GPC3: variants seen among roughly 807,000 people sequenced by gnomAD.
GPC3 encodes the protein glypican-3.
GPC3 carries 3 observed loss-of-function variants against 34.4 expected under a neutral mutation model. The ratio of observed to expected loss-of-function variants is 0.09; its 90% CI spans 0.04 to 0.23. GPC3 has a LOEUF of 0.23. Among genes scored for constraint, GPC3 ranks in the 10% least tolerant of loss-of-function variants. The pLI, the probability that GPC3 is intolerant of heterozygous loss-of-function variation, is 1.00. For synonymous variants in GPC3, 177 were observed against 174.0 expected (o/e 1.02, Z -0.13); for missense variants, 351 against 445.6 (o/e 0.79, Z 1.91).
intron 1 of GPC3, among the ~76,000 whole-genome samples, chrX:133,979,917 C>T (rs148206262): frequency 0.013 from 1,433 of 111,712 alleles, 28 homozygotes; most frequent in African/African-American, 0.044. Context: ...ACTGAATAGA[C>T]ATTGGCTCCT....
intron 2 of GPC3, among the ~76,000 whole-genome samples, chrX:133,807,270 C>A (rs980426309): frequency 1.8e-5 from 2 of 111,411 alleles, no homozygotes; most frequent in African/African-American, 6.5e-5. Context: ...TCTCTCTTCT[C>A]TTCCTTCCCC....
intron 2 of GPC3, among the ~76,000 whole-genome samples, chrX:133,864,478 T>C: frequency 9.0e-6 from 1 of 111,368 alleles, no homozygotes; most frequent in Non-Finnish European, 1.9e-5. Flanking sequence ...ATCATGATGG[T>C]GGGTAGAAAC....
chrX:133,717,478 T>C (rs1319012278), intron 3 of GPC3, among the ~76,000 whole-genome samples: 1 of 111,548 alleles, frequency 9.0e-6, no homozygotes, highest in Non-Finnish European at 1.9e-5. Flanking sequence ...TTATGTTATC[T>C]ATAGATTACA....
At chrX:133,572,158 T>C (rs1299433362) in intron 7 of GPC3, among the ~76,000 whole-genome samples, 2 of 111,645 alleles carry the variant, frequency 1.8e-5, no homozygotes, top group Non-Finnish European at 3.8e-5. Context: ...TCAGTCACAA[T>C]GGAGGGAAAT....
intron 5 of GPC3, among the ~76,000 whole-genome samples, chrX:133,682,835 C>T (rs1351313717): frequency 1.8e-5 from 2 of 109,878 alleles, no homozygotes; most frequent in Non-Finnish European, 3.8e-5. Flanking sequence ...GGCATGGTGG[C>T]ACGTGCCTAT....
intron 5 of GPC3, 105 bp downstream of exon 5, chrX:133,692,262 ATT>A: frequency 1.1e-6 from 1 of 893,992 alleles, no homozygotes; most frequent in East Asian, 3.2e-5. Context: ...TTTCTCTAGA[ATT>A]TTTCTGGTGC....
At chrX:133,572,236 C>T (rs2069640062) in intron 7 of GPC3, among the ~76,000 whole-genome samples, 1 of 111,869 alleles carries the variant, frequency 8.9e-6, no homozygotes, top group Non-Finnish European at 1.9e-5. Flanking sequence ...TACAATCCTA[C>T]ATAAATATCA....
intron 2 of GPC3, chrX:133,763,110 T>C: frequency 1.5e-6 from 1 of 680,986 alleles, no homozygotes; most frequent in Non-Finnish European, 2.4e-6. Flanking sequence ...GCTTCACTCC[T>C]GGAATCTTCA....
At position 133,661,719 on chromosome X, in the gene GPC3, A is replaced by T; in HGVS notation, c.1413+11T>A. 1 of 1,065,740 alleles carries T rather than the reference A, an allele frequency of 9.4e-7. No homozygotes were observed. Among genetic ancestry groups the T allele is most frequent in the Admixed American group, 2.3e-5 (1 of 42,746 alleles). The allele number at this position is 1,065,740 out of a possible 1,213,427, so 87.8% of individuals were successfully genotyped here. A position where few individuals can be genotyped will look rare whatever the true frequency, so the allele number is the denominator to read the frequency against. On this transcript the variant is annotated intron_variant, in intron 6 of 7. Transcript: ENST00000370818. ...ACTTTTTATTATTATTATTTTTTAT[A>T]TTCCACATACCTGGTTAATGTGCTT... is the stretch of plus-strand genomic sequence containing the variant.
chrX:133,722,001 T>C (rs1355147806), intron 3 of GPC3, among the ~76,000 whole-genome samples: 2 of 111,046 alleles, frequency 1.8e-5, no homozygotes, highest in African/African-American at 6.5e-5. Context: ...AAAGACAACC[T>C]ACAGAATGAG....
At chrX:133,647,719 CA>C in intron 6 of GPC3, among the ~76,000 whole-genome samples, 1 of 111,913 alleles carries the variant, frequency 8.9e-6, no homozygotes, top group East Asian at 2.8e-4. Flanking sequence ...TAAGCACCCA[CA>C]GTGGCAGCTG....
chrX:133,677,198 C>A (rs748365043), intron 5 of GPC3, among the ~76,000 whole-genome samples: 30 of 111,807 alleles, frequency 2.7e-4, no homozygotes, highest in Admixed American at 7.6e-4. Context: ...AACAGCCAAC[C>A]TACCTGCTCC....
At chrX:133,833,243 A>G (rs1356639616) in intron 2 of GPC3, among the ~76,000 whole-genome samples, 1 of 111,461 alleles carries the variant, frequency 9.0e-6, no homozygotes, top group Non-Finnish European at 1.9e-5. Context: ...ATAGATAGGG[A>G]ATGAGCTTGA....
intron 3 of GPC3, among the ~76,000 whole-genome samples, chrX:133,738,968 G>A (rs953985790): frequency 2.7e-5 from 3 of 112,094 alleles, no homozygotes; most frequent in Admixed American, 9.5e-5. Context: ...ATTTCTGAAT[G>A]CAAAGACTAG....
chrX:133,916,843 C>T (rs2076227362), intron 2 of GPC3, among the ~76,000 whole-genome samples: 1 of 111,376 alleles, frequency 9.0e-6, no homozygotes, highest in Non-Finnish European at 1.9e-5. Context: ...CACACCACTG[C>T]ACTCCAACCT....
intron 5 of GPC3, among the ~76,000 whole-genome samples, chrX:133,685,430 T>C (rs981781720): frequency 1.8e-5 from 2 of 111,982 alleles, no homozygotes; most frequent in Admixed American, 1.9e-4. Context: ...GACAAAACTC[T>C]GAGAATTAAC....
intron 2 of GPC3, among the ~76,000 whole-genome samples, chrX:133,952,560 G>T (rs995573594): frequency 8.9e-6 from 1 of 112,095 alleles, no homozygotes; most frequent in African/African-American, 3.2e-5. Context: ...GGCATGGTAA[G>T]AAGTGAGAGT....
intron 2 of GPC3, among the ~76,000 whole-genome samples, chrX:133,758,860 T>C (rs1359111414): frequency 1.8e-5 from 2 of 110,821 alleles, no homozygotes; most frequent in South Asian, 3.8e-4. Context: ...CATGATAAAA[T>C]CTCTCAGCAA....
intron 6 of GPC3, among the ~76,000 whole-genome samples, chrX:133,621,783 T>C (rs1294269090): frequency 8.9e-6 from 1 of 112,267 alleles, no homozygotes; most frequent in Non-Finnish European, 1.9e-5. Context: ...CGTTCCTGTC[T>C]GACAGCTTTG....
Sources: allele counts gnomAD v4.1 joint callset (sites outside exome capture counted in the v4.1 genomes callset), GRCh38; gene constraint gnomAD v4.1.1; transcripts MANE v1.5; gene names NCBI Gene and HGNC (gene_info 2026-07-23, HGNC 2026-07-21).